ASAP1: variants seen among roughly 807,000 people sequenced by gnomAD.
ASAP1 encodes the protein arf-GAP with SH3 domain, ANK repeat and PH domain-containing protein 1.
A neutral mutation model predicts 145.2 loss-of-function variants in ASAP1; 43 were observed. The observed-to-expected ratio is 0.30, with a 90% CI of 0.23 to 0.38. ASAP1 has a LOEUF of 0.38. Among genes scored for constraint, ASAP1 ranks in the 10% least tolerant of loss-of-function variants. The probability of loss-of-function intolerance (pLI) is 1.00; values close to 1 mark genes in which losing one functional copy is unlikely to be tolerated. For synonymous variants in ASAP1, 546 were observed against 515.5 expected (o/e 1.06, Z -0.80); for missense variants, 1,018 against 1,355.3 (o/e 0.75, Z 3.91).
intron 3 of ASAP1, among the ~76,000 whole-genome samples, chr8:130,309,566 G>T (rs1162568648): frequency 6.6e-6 from 1 of 152,190 alleles, no homozygotes; most frequent in African/African-American, 2.4e-5. Flanking sequence ...GCGTGACCAG[G>T]ACGGCCTTGT....
At chr8:130,347,683 A>C (rs1825777681) in intron 3 of ASAP1, among the ~76,000 whole-genome samples, 1 of 152,170 alleles carries the variant, frequency 6.6e-6, no homozygotes, top group African/African-American at 2.4e-5. Context: ...GACTGGAGCA[A>C]GGGTGGTCTC....
chr8:130,238,303 G>A (rs1449542798), intron 3 of ASAP1, among the ~76,000 whole-genome samples: 1 of 152,108 alleles, frequency 6.6e-6, no homozygotes, highest in Non-Finnish European at 1.5e-5. Flanking sequence ...CAGTGGTTCT[G>A]TTTCTTGATG....
At chr8:130,433,392 G>C (rs1830204057) in intron 1 of ASAP1, among the ~76,000 whole-genome samples, 1 of 152,118 alleles carries the variant, frequency 6.6e-6, no homozygotes, top group Admixed American at 6.5e-5. Flanking sequence ...TGCCTATCTT[G>C]GAAGAGTAAA....
intron 2 of ASAP1, among the ~76,000 whole-genome samples, chr8:130,398,441 T>C (rs1586972691): frequency 1.3e-5 from 2 of 152,170 alleles, no homozygotes; most frequent in East Asian, 1.9e-4. Flanking sequence ...GAAGTAGAAG[T>C]AGTCACAACA....
chr8:130,338,509 C>T (rs1281380733), intron 3 of ASAP1, among the ~76,000 whole-genome samples: 1 of 152,228 alleles, frequency 6.6e-6, no homozygotes, highest in African/African-American at 2.4e-5. Context: ...ATCCTGACTA[C>T]TCCCCAATAG....
At chr8:130,318,348 T>C (rs534618865) in intron 3 of ASAP1, among the ~76,000 whole-genome samples, 1 of 152,234 alleles carries the variant, frequency 6.6e-6, no homozygotes, top group South Asian at 2.1e-4. Flanking sequence ...TCCCAAAGTG[T>C]TGGGATTACA....
chr8:130,312,801 C>T (rs1286894399), intron 3 of ASAP1, among the ~76,000 whole-genome samples: 1 of 152,154 alleles, frequency 6.6e-6, no homozygotes, highest in Admixed American at 6.5e-5. Flanking sequence ...GAAATAGTTG[C>T]TTAGCTTGTT....
At chr8:130,168,218 T>C (rs778812094) in intron 10 of ASAP1, among the ~76,000 whole-genome samples, 1 of 152,222 alleles carries the variant, frequency 6.6e-6, no homozygotes, top group Admixed American at 6.5e-5. Context: ...ACTCATAATA[T>C]ATACGCTTTT....
At chr8:130,127,166 T>C (rs1029388549) in intron 16 of ASAP1, among the ~76,000 whole-genome samples, 1 of 152,112 alleles carries the variant, frequency 6.6e-6, no homozygotes, top group Non-Finnish European at 1.5e-5. Flanking sequence ...TGTGGCTGAG[T>C]AGGAAGGAAG....
At chr8:130,281,792 C>G (rs372340089) in intron 3 of ASAP1, among the ~76,000 whole-genome samples, 28 of 152,224 alleles carry the variant, frequency 1.8e-4, no homozygotes, top group African/African-American at 6.5e-4. Flanking sequence ...GGAGGCTGGG[C>G]GCGGTGGCTC....
At position 130,054,722 on chromosome 8, in the gene ASAP1, T is replaced by C; in HGVS notation, c.*9A>G. The C allele has an allele frequency of 6.2e-7, 1 of 1,611,918 alleles. No homozygotes were observed. Among genetic ancestry groups the C allele is most frequent in the Non-Finnish European group, 8.5e-7 (1 of 1,178,112 alleles). ...AAGGATGTGGACAATCTTAAGGTTC[T>C]GCGTTTTGCTAGTCAGACAGGATAT... is the stretch of plus-strand genomic sequence containing the variant. On this transcript the variant is annotated 3_prime_UTR_variant, in exon 30 of 30. Coordinates refer to ENST00000518721, the MANE Select transcript of ASAP1 (RefSeq NM_018482.4).
At chr8:130,099,230 GTGCAGTGGCGAGATCTCGGCTCAC>G (rs934168444) in intron 24 of ASAP1, among the ~76,000 whole-genome samples, 4 of 151,440 alleles carry the variant, frequency 2.6e-5, no homozygotes, top group African/African-American at 9.7e-5. Flanking sequence ...CCAGGCTGGA[GTGCAGTGGCGAGATCTCGGCTCAC>G]TGCAAGCTCC....
chr8:130,399,378 A>G (rs954045618), intron 2 of ASAP1, among the ~76,000 whole-genome samples: 3 of 152,348 alleles, frequency 2.0e-5, no homozygotes, highest in Middle Eastern at 3.4e-3. Context: ...AGTTATTGCA[A>G]TTATAATTAA....
intron 3 of ASAP1, among the ~76,000 whole-genome samples, chr8:130,310,138 TG>T (rs368989712): frequency 4.4e-4 from 24 of 54,250 alleles, no homozygotes; most frequent in South Asian, 3.4e-3. Flanking sequence ...CAGTTTTTTT[TG>T]GGGGGGGGAG....
chr8:130,080,041 G>A, intron 25 of ASAP1, 70 bp from the exon 26 acceptor site: 2 of 1,407,296 alleles, frequency 1.4e-6, no homozygotes, highest in Non-Finnish European at 2.0e-6. Context: ...ACATGGGTTT[G>A]GCCTGTAGAC....
intron 13 of ASAP1, among the ~76,000 whole-genome samples, 156 bp from the exon 14 acceptor site, chr8:130,137,194 C>G (rs1179755180): frequency 6.6e-6 from 1 of 152,218 alleles, no homozygotes; most frequent in Non-Finnish European, 1.5e-5. Flanking sequence ...GAGCATTGTT[C>G]CAAGTTTGCT....
chr8:130,309,864 A>G (rs1418686068), intron 3 of ASAP1, among the ~76,000 whole-genome samples: 5 of 152,140 alleles, frequency 3.3e-5, no homozygotes, highest in African/African-American at 9.7e-5. Context: ...GACCAAGCAA[A>G]TTTCCTAGGT....
chr8:130,434,217 GA>G (rs1308438769), intron 1 of ASAP1, among the ~76,000 whole-genome samples: 2 of 152,208 alleles, frequency 1.3e-5, no homozygotes, highest in African/African-American at 2.4e-5. Context: ...TAGGGAGGCT[GA>G]GGTGGGAGGA....
chr8:130,085,121 C>T (rs1047509235), intron 25 of ASAP1, among the ~76,000 whole-genome samples: 15 of 151,998 alleles, frequency 9.9e-5, no homozygotes, highest in African/African-American at 3.6e-4. Context: ...CTCTAAATGC[C>T]AAAGGATGGA....
Sources: allele counts gnomAD v4.1 joint callset (sites outside exome capture counted in the v4.1 genomes callset), GRCh38; gene constraint gnomAD v4.1.1; transcripts MANE v1.5; gene names NCBI Gene and HGNC (gene_info 2026-07-23, HGNC 2026-07-21).